RBFOX1: variants seen among roughly 807,000 people sequenced by gnomAD.
RBFOX1 encodes RNA binding fox-1 homolog 1.
In RBFOX1, 8 loss-of-function variants were observed where a neutral mutation model predicts 57.7. The observed-to-expected ratio is 0.14, with a 90% CI of 0.08 to 0.25. RBFOX1 has a LOEUF of 0.25. Among genes scored for constraint, RBFOX1 ranks in the 10% least tolerant of loss-of-function variants. The probability of loss-of-function intolerance (pLI) is 1.00; values close to 1 mark genes in which losing one functional copy is unlikely to be tolerated. For synonymous variants in RBFOX1, 326 were observed against 222.4 expected (o/e 1.47, Z -4.15); for missense variants, 611 against 548.5 (o/e 1.11, Z -1.14).
intron 4 of RBFOX1, among the ~76,000 whole-genome samples, chr16:7,251,983 G>C (rs1316061660): frequency 2.6e-5 from 4 of 152,210 alleles, no homozygotes; most frequent in Non-Finnish European, 5.9e-5. Context: ...TTCTTAAAGA[G>C]AGTCTTCAAG....
chr16:6,237,197 A>G (rs2097511571), intron 1 of RBFOX1, among the ~76,000 whole-genome samples: 1 of 152,170 alleles, frequency 6.6e-6, no homozygotes, highest in Non-Finnish European at 1.5e-5. Flanking sequence ...CTTCCTATAA[A>G]TTTCGTTAGG....
chr16:5,426,048 C>T (rs568401763), intron 1 of RBFOX1, among the ~76,000 whole-genome samples: 1 of 152,274 alleles, frequency 6.6e-6, no homozygotes, highest in South Asian at 2.1e-4. Flanking sequence ...ACCCAAAACA[C>T]AAAACAGAAA....
chr16:7,137,057 C>G (rs2072224212), intron 4 of RBFOX1, among the ~76,000 whole-genome samples: 2 of 152,302 alleles, frequency 1.3e-5, no homozygotes, highest in South Asian at 4.1e-4. Context: ...TCACCAAACA[C>G]TATTATTATT....
chr16:6,929,886 C>T (rs369089239), intron 3 of RBFOX1, among the ~76,000 whole-genome samples: 1 of 152,136 alleles, frequency 6.6e-6, no homozygotes, highest in African/African-American at 2.4e-5. Flanking sequence ...ACTGCTTTAG[C>T]CCTTATGGAG....
chr16:6,090,792 C>A (rs1161423796), intron 1 of RBFOX1, among the ~76,000 whole-genome samples: 3 of 152,120 alleles, frequency 2.0e-5, no homozygotes, highest in Admixed American at 2.0e-4. Flanking sequence ...ATTGTTGGAT[C>A]CGTTAAGCTG....
intron 4 of RBFOX1, among the ~76,000 whole-genome samples, chr16:7,229,582 AGG>A (rs2093357393): frequency 9.0e-6 from 1 of 110,632 alleles, no homozygotes; most frequent in African/African-American, 3.9e-5. Flanking sequence ...GGAAGGAGAA[AGG>A]GAGAGAGAGG....
intron 3 of RBFOX1, among the ~76,000 whole-genome samples, chr16:5,686,080 C>G (rs1259979957): frequency 6.6e-6 from 1 of 152,132 alleles, no homozygotes; most frequent in East Asian, 1.9e-4. Context: ...TGGACAGGCT[C>G]AGAAACGATA....
chr16:7,530,448 G>C (rs2079764370), intron 5 of RBFOX1, among the ~76,000 whole-genome samples: 1 of 151,542 alleles, frequency 6.6e-6, no homozygotes, highest in South Asian at 2.1e-4. Context: ...TTGGTTCCTA[G>C]CCAGAGGTTT....
At chr16:6,693,100 T>A (rs1469282957) in intron 3 of RBFOX1, among the ~76,000 whole-genome samples, 1 of 149,948 alleles carries the variant, frequency 6.7e-6, no homozygotes, top group Non-Finnish European at 1.5e-5. Context: ...ACCATCATCA[T>A]CATCCTCATC....
chr16:5,634,791 G>T (rs932251135), intron 3 of RBFOX1, among the ~76,000 whole-genome samples: 88 of 152,296 alleles, frequency 5.8e-4, no homozygotes, highest in African/African-American at 1.9e-3. Flanking sequence ...ATTCTGTCCA[G>T]ATGGCATAAA....
At chr16:7,322,111 T>C (rs2096553295) in intron 4 of RBFOX1, among the ~76,000 whole-genome samples, 1 of 152,232 alleles carries the variant, frequency 6.6e-6, no homozygotes, top group African/African-American at 2.4e-5. Flanking sequence ...TACCCATTCA[T>C]TGGTCTGATA....
chr16:6,702,238 A>C (rs748685446), intron 3 of RBFOX1, among the ~76,000 whole-genome samples: 5 of 152,156 alleles, frequency 3.3e-5, no homozygotes, highest in Non-Finnish European at 7.3e-5. Flanking sequence ...ACATTTCAAC[A>C]TGAGATATGG....
At chr16:5,523,210 T>C (rs955195382) in intron 2 of RBFOX1, among the ~76,000 whole-genome samples, 1 of 150,888 alleles carries the variant, frequency 6.6e-6, no homozygotes, top group Non-Finnish European at 1.5e-5. Flanking sequence ...TGCTTGAACC[T>C]GGGAGGCAGA....
chr16:7,474,244 G>T (rs1051909131), intron 4 of RBFOX1, among the ~76,000 whole-genome samples: 1 of 152,122 alleles, frequency 6.6e-6, no homozygotes, highest in Admixed American at 6.5e-5. Context: ...CCGAGATCGC[G>T]CCATTGCACT....
intron 4 of RBFOX1, among the ~76,000 whole-genome samples, chr16:7,334,157 A>C (rs1014966424): frequency 8.5e-5 from 13 of 152,090 alleles, no homozygotes; most frequent in Admixed American, 4.6e-4. Flanking sequence ...CCTTTTGTTA[A>C]GTGTACGAAC....
chr16:7,032,766 C>T (rs901512109), intron 3 of RBFOX1, among the ~76,000 whole-genome samples: 12 of 152,064 alleles, frequency 7.9e-5, no homozygotes. Context: ...TTTCCTTTTA[C>T]CCTCTATGAG....
chr16:6,890,432 T>C (rs549047200), intron 3 of RBFOX1, among the ~76,000 whole-genome samples: 3 of 152,266 alleles, frequency 2.0e-5, no homozygotes, highest in African/African-American at 7.2e-5. Flanking sequence ...GGCTGGAGGA[T>C]CACTTAAACC....
At chr16:7,693,290 T>C (rs2077785930) in intron 14 of RBFOX1, 2 of 1,608,000 alleles carry the variant, frequency 1.2e-6, no homozygotes, top group Non-Finnish European at 1.7e-6. Flanking sequence ...GCGAGCAGTA[T>C]TGTGAATTTT....
chr16:7,110,635 T>C (rs1444432434), intron 4 of RBFOX1, among the ~76,000 whole-genome samples: 1 of 152,260 alleles, frequency 6.6e-6, no homozygotes, highest in African/African-American at 2.4e-5. Flanking sequence ...CATATTAACA[T>C]GAGACATGAA....
Sources: allele counts gnomAD v4.1 joint callset (sites outside exome capture counted in the v4.1 genomes callset), GRCh38; gene constraint gnomAD v4.1.1; transcripts MANE v1.5; gene names NCBI Gene and HGNC (gene_info 2026-07-23, HGNC 2026-07-21).